Variants in CCNYL1 observed in about 807,000 individuals in gnomAD.
The protein encoded by CCNYL1 is cyclin Y like 1.
In CCNYL1, 16 loss-of-function variants were observed where a neutral mutation model predicts 44.2. The ratio of observed to expected loss-of-function variants is 0.36; its 90% CI spans 0.25 to 0.55. CCNYL1 has a LOEUF of 0.55. Among genes scored for constraint, CCNYL1 ranks in the 20% least tolerant of loss-of-function variants. The pLI is 0.85. For synonymous variants in CCNYL1, 159 were observed against 163.2 expected, an observed-to-expected ratio of 0.97 and a Z score of 0.20; for missense variants, 348 against 451.8, an observed-to-expected ratio of 0.77 and a Z score of 2.08.
intron 3 of CCNYL1, among the ~76,000 whole-genome samples, chr2:207,731,135 A>C (rs1158164416): frequency 6.6e-6 from 1 of 152,166 alleles, no homozygotes; most frequent in African/African-American, 2.4e-5. Flanking sequence ...TAATGCACAA[A>C]ATGTCAGAAA....
chr2:207,747,028 C>T lies in CCNYL1; in HGVS notation c.640-19C>T. 6.3e-7 allele frequency: 1 copy of T among 1,590,152 alleles called. No individual in the cohort carries two copies. Among genetic ancestry groups the T allele is most frequent in the Non-Finnish European group, 8.6e-7 (1 of 1,162,614 alleles). On this transcript the variant is annotated intron_variant, in intron 7 of 9. Transcript: ENST00000295414. ...ATTTAAACTGAACTAAAATCAAAGACCAGTGCTCTATTTTACAGGTTTACT... is the reference window on the plus strand; with the variant it reads ...ATTTAAACTGAACTAAAATCAAAGATCAGTGCTCTATTTTACAGGTTTACT...
At chr2:207,719,299 T>G (rs2105818810) in intron 1 of CCNYL1, among the ~76,000 whole-genome samples, 1 of 118,754 alleles carries the variant, frequency 8.4e-6, no homozygotes, top group African/African-American at 2.8e-5. Flanking sequence ...TATATAGCAA[T>G]TGCTTTTTTT....
intron 1 of CCNYL1, among the ~76,000 whole-genome samples, chr2:207,716,936 C>T (rs895567471): frequency 3.3e-5 from 5 of 151,962 alleles, no homozygotes; most frequent in East Asian, 1.9e-4. Context: ...GGTGAAACCC[C>T]GTCTCTACGA....
chr2:207,745,856 G>A (rs1035865073), intron 7 of CCNYL1, among the ~76,000 whole-genome samples: 12 of 152,120 alleles, frequency 7.9e-5, no homozygotes, highest in African/African-American at 2.4e-4. Flanking sequence ...CAGGAGAATC[G>A]CTTGAACCCA....
intron 6 of CCNYL1, among the ~76,000 whole-genome samples, chr2:207,741,204 A>G (rs1048040590): frequency 6.6e-6 from 1 of 152,088 alleles, no homozygotes; most frequent in African/African-American, 2.4e-5. Flanking sequence ...GCAGTGAGCC[A>G]AGATCGCTCC....
At chr2:207,729,250 G>GCCCCCCCCCCCCCCCCCCCCC (rs1247562126) in intron 3 of CCNYL1, among the ~76,000 whole-genome samples, 2 of 68,188 alleles carry the variant, frequency 2.9e-5, no homozygotes, top group African/African-American at 1.8e-4. Context: ...ACTTGTCTCC[G>GCCCCCCCCCCCCCCCCCCCCC]CCCCCCCCCG....
intron 1 of CCNYL1, among the ~76,000 whole-genome samples, chr2:207,720,748 A>G (rs1423958671): frequency 6.6e-6 from 1 of 152,208 alleles, no homozygotes; most frequent in East Asian, 1.9e-4. Context: ...AAAAGGAGTT[A>G]AGTGCTATTA....
chr2:207,729,260 GCCCCCACCCCACCCCCCCCAC>G (rs2091704966), intron 3 of CCNYL1, among the ~76,000 whole-genome samples: 1 of 38,508 alleles, frequency 2.6e-5, no homozygotes, highest in African/African-American at 1.5e-4. Flanking sequence ...GCCCCCCCCC[GCCCCCACCCCACCCCCCCCAC>G]CCCCCCGCAC....
chr2:207,717,939 G>C (rs2091609559), intron 1 of CCNYL1, among the ~76,000 whole-genome samples: 1 of 134,742 alleles, frequency 7.4e-6, no homozygotes, highest in African/African-American at 2.8e-5. Context: ...AATCTTCACT[G>C]TGTCGCCCAG....
chr2:207,721,075 G>T (rs1012050609), intron 1 of CCNYL1, among the ~76,000 whole-genome samples: 2 of 152,054 alleles, frequency 1.3e-5, no homozygotes, highest in Non-Finnish European at 2.9e-5. Flanking sequence ...AAATCTCAGC[G>T]TTTACATCAT....
At chr2:207,725,388 G>A (rs1167377906) in intron 2 of CCNYL1, among the ~76,000 whole-genome samples, 3 of 152,230 alleles carry the variant, frequency 2.0e-5, no homozygotes, top group Non-Finnish European at 2.9e-5. Flanking sequence ...GCCTCCCAAA[G>A]TGCTGGGATT....
rs953548053 is a variant in CCNYL1, at chr2:207,747,072, A to T, written c.665A>T (p.Tyr222Phe). Residue 222 changes from tyrosine (Y) to phenylalanine (F), a missense_variant, in exon 8 of 10, where the codon TAT becomes TTT. Transcript: ENST00000295414. ...TLVYLERLLT[Y>F]AEIDICPTNW... ...GTTTACTTAGAAAGGCTTTTAACTT[A>T]TGCTGAAATCGACATTTGTCCCACC... The T allele has an allele frequency of 1.2e-6, 2 of 1,614,030 alleles. No individual in the cohort carries two copies. Among genetic ancestry groups the T allele is most frequent in the Non-Finnish European group, 1.7e-6 (2 of 1,179,972 alleles).
chr2:207,747,388 CA>C (rs375555912), intron 8 of CCNYL1, among the ~76,000 whole-genome samples, 175 bp downstream of exon 8: 128 of 133,718 alleles, frequency 9.6e-4, no homozygotes, highest in East Asian at 2.3e-3. Context: ...AAGACTGTCT[CA>C]AAAAAAAAAA....
At chr2:207,720,031 T>C (rs2091628062) in intron 1 of CCNYL1, among the ~76,000 whole-genome samples, 3 of 151,838 alleles carry the variant, frequency 2.0e-5, no homozygotes, top group Admixed American at 6.6e-5. Context: ...CTAATAAAAA[T>C]ACAAAAATTA....
At chr2:207,749,517 A>C (rs1479360745) in intron 8 of CCNYL1, among the ~76,000 whole-genome samples, 1 of 152,242 alleles carries the variant, frequency 6.6e-6, no homozygotes, top group African/African-American at 2.4e-5. Context: ...AAAAACCTAG[A>C]AGATGCATAT....
chr2:207,746,763 A>G (rs1178864520), intron 7 of CCNYL1, among the ~76,000 whole-genome samples: 6 of 152,196 alleles, frequency 3.9e-5, no homozygotes, highest in African/African-American at 1.4e-4. Context: ...ATCACCTGAG[A>G]TCAGGAGTTC....
At chr2:207,716,774 C>G (rs534081753) in intron 1 of CCNYL1, among the ~76,000 whole-genome samples, 1 of 152,228 alleles carries the variant, frequency 6.6e-6, no homozygotes, top group Non-Finnish European at 1.5e-5. Flanking sequence ...TCAGTTAAAT[C>G]TATGGGTTGA....
At chr2:207,751,279 G>C (rs1048471010) in intron 9 of CCNYL1, among the ~76,000 whole-genome samples, 160 bp downstream of exon 9, 1 of 152,210 alleles carries the variant, frequency 6.6e-6, no homozygotes, top group South Asian at 2.1e-4. Flanking sequence ...CCTGTGTCTT[G>C]TATGGTTTAT....
At chr2:207,734,290 T>C (rs1285050737) in intron 4 of CCNYL1, among the ~76,000 whole-genome samples, 1 of 152,266 alleles carries the variant, frequency 6.6e-6, no homozygotes, top group Non-Finnish European at 1.5e-5. Flanking sequence ...AAAGTGTAGC[T>C]ATTTATTTAA....
Sources: allele counts gnomAD v4.1 joint callset (sites outside exome capture counted in the v4.1 genomes callset), GRCh38; gene constraint gnomAD v4.1.1; transcripts MANE v1.5; gene names NCBI Gene and HGNC (gene_info 2026-07-23, HGNC 2026-07-21).